Variants in AK4 observed in about 807,000 individuals in gnomAD.
AK4 encodes adenylate kinase 4, also known as adenylate kinase 4, mitochondrial.
A neutral mutation model predicts 24.6 loss-of-function variants in AK4; 13 were observed. The observed-to-expected ratio is 0.53, with a 90% CI of 0.34 to 0.84. The LOEUF (loss-of-function observed/expected upper bound fraction) is 0.84, where lower values mean the gene tolerates loss of function less well. Ranked by LOEUF, AK4 falls within the 40% of genes least tolerant of loss-of-function variation. The pLI, the probability that AK4 is intolerant of heterozygous loss-of-function variation, is 0.01. For synonymous variants in AK4, 88 were observed against 107.0 expected (o/e 0.82, Z 1.10); for missense variants, 192 against 288.2 (o/e 0.67, Z 2.42).
At chr1:65,148,576 C>T in intron 1 of AK4, 24 bp downstream of exon 1, 1 of 1,578,900 alleles carries the variant, frequency 6.3e-7, no homozygotes, top group Non-Finnish European at 8.6e-7. Flanking sequence ...GGGACGAGGG[C>T]CGGGGGCGAG....
At chr1:65,195,732 CT>C (rs1183769317) in intron 2 of AK4, among the ~76,000 whole-genome samples, 1 of 152,140 alleles carries the variant, frequency 6.6e-6, no homozygotes, top group African/African-American at 2.4e-5. Flanking sequence ...GAGTGCTTGC[CT>C]TATATAAGTG....
chr1:65,152,313 G>GCT (rs1557434175), intron 1 of AK4, among the ~76,000 whole-genome samples: 7 of 62,904 alleles, frequency 1.1e-4, no homozygotes, highest in East Asian at 6.2e-4. Flanking sequence ...TTCTGCACTT[G>GCT]CTATCTCTCT....
intron 1 of AK4, among the ~76,000 whole-genome samples, chr1:65,182,666 C>T (rs1381226473): frequency 1.3e-5 from 2 of 152,164 alleles, no homozygotes; most frequent in Non-Finnish European, 2.9e-5. Context: ...TTAATCACCA[C>T]TTTTATTAAA....
At chr1:65,151,683 G>T (rs1649776071) in intron 1 of AK4, among the ~76,000 whole-genome samples, 2 of 152,192 alleles carry the variant, frequency 1.3e-5, no homozygotes, top group African/African-American at 4.8e-5. Context: ...ACAAATTCTA[G>T]ACAGTACATC....
intron 2 of AK4, among the ~76,000 whole-genome samples, chr1:65,207,809 C>T (rs1288965262): frequency 6.6e-6 from 1 of 152,084 alleles, no homozygotes; most frequent in East Asian, 1.9e-4. Context: ...GTTTTCTGGT[C>T]TTGAGTTAGT....
intron 2 of AK4, among the ~76,000 whole-genome samples, chr1:65,205,575 T>C (rs1015782994): frequency 6.6e-6 from 1 of 152,178 alleles, no homozygotes; most frequent in Non-Finnish European, 1.5e-5. Flanking sequence ...TCACCCCGTA[T>C]AGACTTTCTA....
At position 65,148,599 on chromosome 1, in the gene AK4, G is replaced by A. The variant is rs117390873; in HGVS notation, c.145+47G>A. On this transcript the variant is annotated intron_variant, in intron 1 of 4. Coordinates refer to ENST00000327299, the MANE Select transcript of AK4 (RefSeq NM_013410.4). ...GGCCGGGGGCGAGCCGCGTTGGGCT[G>A]GGGTGAGGCCCTGGAGGGACTGGGG... The A allele has an allele frequency of 1.2e-3, 1,796 of 1,551,982 alleles. 24 individuals are homozygous for A. The East Asian group carries it at 0.033, about 29-fold the overall frequency.
chr1:65,224,723 A>G, intron 3 of AK4, 29 bp from the exon 4 acceptor site: 1 of 1,577,454 alleles, frequency 6.3e-7, no homozygotes, highest in African/African-American at 1.3e-5. Context: ...ACTGTTGTCT[A>G]TATTAATTGG....
At chr1:65,223,480 C>T (rs1557470907) in intron 3 of AK4, among the ~76,000 whole-genome samples, 1 of 152,036 alleles carries the variant, frequency 6.6e-6, no homozygotes, top group East Asian at 1.9e-4. Context: ...TGAGCCACTG[C>T]GCCCCAACCA....
chr1:65,167,524 A>T (rs1225282839), intron 1 of AK4, among the ~76,000 whole-genome samples: 1 of 150,188 alleles, frequency 6.7e-6, no homozygotes, highest in African/African-American at 2.4e-5. Flanking sequence ...AAGATCAAGG[A>T]TCTAGCTTGG....
intron 2 of AK4, among the ~76,000 whole-genome samples, chr1:65,207,224 T>G (rs1332193027): frequency 1.3e-5 from 2 of 152,164 alleles, no homozygotes; most frequent in Non-Finnish European, 2.9e-5. Flanking sequence ...CCTTCCTCCC[T>G]ACCTCCCTTC....
intron 1 of AK4, among the ~76,000 whole-genome samples, chr1:65,174,649 AAGAATTACGGTGTGAG>A (rs1432559114): frequency 1.3e-5 from 2 of 152,214 alleles, no homozygotes; most frequent in Non-Finnish European, 2.9e-5. Context: ...TGGTTGAACA[AAGAATTACGGTGTGAG>A]AGAAATTGCT....
At chr1:65,195,366 C>G (rs555629790) in intron 2 of AK4, among the ~76,000 whole-genome samples, 1 of 152,260 alleles carries the variant, frequency 6.6e-6, no homozygotes, top group African/African-American at 2.4e-5. Context: ...CCCCCCAGTG[C>G]TTTTTGTCTG....
At chr1:65,217,457 T>C (rs921033086) in intron 2 of AK4, among the ~76,000 whole-genome samples, 2 of 152,218 alleles carry the variant, frequency 1.3e-5, no homozygotes, top group Non-Finnish European at 2.9e-5. Context: ...GTTGCATCTT[T>C]TATTATACTT....
At chr1:65,169,152 G>A (rs1409642566) in intron 1 of AK4, among the ~76,000 whole-genome samples, 1 of 145,548 alleles carries the variant, frequency 6.9e-6, no homozygotes, top group Non-Finnish European at 1.5e-5. Flanking sequence ...CTCCAGCCTG[G>A]TTGGCAGAAT....
chr1:65,220,525 G>GA (rs1424195288), intron 3 of AK4, among the ~76,000 whole-genome samples: 1 of 152,136 alleles, frequency 6.6e-6, no homozygotes, highest in African/African-American at 2.4e-5. Context: ...ACCCAGGCTG[G>GA]AGTGCAGTGG....
intron 3 of AK4, among the ~76,000 whole-genome samples, chr1:65,221,667 A>G (rs1361933487): frequency 6.6e-6 from 1 of 152,254 alleles, no homozygotes; most frequent in African/African-American, 2.4e-5. Context: ...AGTTCTGACA[A>G]TACAGATGGG....
rs539541797 is a variant in AK4 at position 65,208,567 on chromosome 1, C to A, written c.266-10187C>A. 5.3e-5 allele frequency among the ~76,000 whole-genome samples: 8 copies of A among 152,238 alleles called. No homozygotes were observed. In the South Asian group the frequency reaches 1.7e-3, roughly 32 times the overall value. On this transcript the variant is annotated intron_variant, in intron 2 of 4. Coordinates refer to ENST00000327299, the MANE Select transcript of AK4 (RefSeq NM_013410.4). ...TATTCAACAACTGGGAAGAGATGGG[C>A]GGTCCGAAGCAACTATGTTAGCTCC...
At chr1:65,214,519 C>G (rs984688072) in intron 2 of AK4, among the ~76,000 whole-genome samples, 1 of 152,066 alleles carries the variant, frequency 6.6e-6, no homozygotes, top group Non-Finnish European at 1.5e-5. Flanking sequence ...GGTAAAGTCC[C>G]GGGATTAAAT....
Sources: allele counts gnomAD v4.1 joint callset (sites outside exome capture counted in the v4.1 genomes callset), GRCh38; gene constraint gnomAD v4.1.1; transcripts MANE v1.5; gene names NCBI Gene and HGNC (gene_info 2026-07-23, HGNC 2026-07-21).